TSPAN9: variants seen among roughly 807,000 people sequenced by gnomAD.
TSPAN9 encodes the protein tetraspanin 9.
TSPAN9 carries 16 observed loss-of-function variants against 31.0 expected under a neutral mutation model. The observed-to-expected ratio is 0.52, with a 90% CI of 0.35 to 0.78. The LOEUF is 0.78. Among genes scored for constraint, TSPAN9 ranks in the 30% least tolerant of loss-of-function variants. TSPAN9 has a pLI of 0.01. For synonymous variants in TSPAN9, 145 were observed against 121.6 expected (o/e 1.19, Z -1.27); for missense variants, 272 against 312.5 (o/e 0.87, Z 0.98).
intron 2 of TSPAN9, among the ~76,000 whole-genome samples, chr12:3,136,530 G>A (rs2098332220): frequency 6.6e-6 from 1 of 152,194 alleles, no homozygotes; most frequent in African/African-American, 2.4e-5. Flanking sequence ...GCAAAGACAG[G>A]ACACCAAACC....
chr12:3,238,175 G>C (rs78175639), intron 3 of TSPAN9, among the ~76,000 whole-genome samples: 11,547 of 152,232 alleles, frequency 0.076, 514 homozygotes, highest in Middle Eastern at 0.14. Context: ...ACAGGTAACA[G>C]TACCGAGGGT....
At chr12:3,165,053 A>G (rs748665044) in intron 2 of TSPAN9, among the ~76,000 whole-genome samples, 1 of 152,066 alleles carries the variant, frequency 6.6e-6, no homozygotes, top group Non-Finnish European at 1.5e-5. Context: ...GAGGGGTAGG[A>G]TTAACCTCTG....
intron 2 of TSPAN9, among the ~76,000 whole-genome samples, chr12:3,121,031 T>A (rs2098324821): frequency 6.7e-6 from 1 of 148,574 alleles, no homozygotes; most frequent in Non-Finnish European, 1.5e-5. Flanking sequence ...TGTGGCTCAG[T>A]CACAGGACCT....
At chr12:3,227,654 C>T (rs1175680090) in intron 3 of TSPAN9, among the ~76,000 whole-genome samples, 8 of 152,150 alleles carry the variant, frequency 5.3e-5, no homozygotes, top group Admixed American at 5.2e-4. Flanking sequence ...CCCAGCCTCC[C>T]CTTCTCACAC....
At chr12:3,281,059 G>T in intron 6 of TSPAN9, 139 bp from the exon 7 acceptor site, 1 of 1,385,182 alleles carries the variant, frequency 7.2e-7, no homozygotes. Context: ...GGGACAAGAA[G>T]CAAGCCCTTT....
intron 2 of TSPAN9, among the ~76,000 whole-genome samples, chr12:3,175,986 C>A (rs2098355329): frequency 6.6e-6 from 1 of 152,194 alleles, no homozygotes; most frequent in African/African-American, 2.4e-5. Flanking sequence ...CTTCCCAGTA[C>A]AAGCCCTGCC....
rs552320574 is a variant in TSPAN9 at position 3,174,730 on chromosome 12, C to G, written c.-17-26447C>G. ...CCCGAGTAGCTGGGACTACAGGCGC[C>G]CACCACCGCGCCCGGCTAATTTTTT... is the stretch of plus-strand genomic sequence containing the variant. On this transcript the variant is annotated intron_variant, in intron 2 of 8. Coordinates refer to ENST00000011898, the MANE Select transcript of TSPAN9 (RefSeq NM_006675.5). Among the ~76,000 whole-genome samples the G allele has an allele frequency of 9.2e-4, 135 of 146,276 alleles. 3 individuals are homozygous for G. The highest frequency in any genetic ancestry group is 6.7e-3 in the South Asian group (28 of 4,188).
Position 3,286,325 on chromosome 12 carries a change from G to A in TSPAN9, c.*3209G>A, listed in dbSNP as rs893322255. On this transcript the variant is annotated 3_prime_UTR_variant, in exon 9 of 9. Transcript: ENST00000011898. This position sits in a 1 kb window ranked among gnomAD's most constrained non-coding sequence, Gnocchi z 4.1. ...GTCCAGGGTGGGGCCTGGCCTCCCT[G>A]CCCTGATTGGGGACTCAGGAGGTGA... 2 of 152,606 alleles carry A rather than the reference G, an allele frequency of 1.3e-5. No homozygotes were observed. The highest frequency in any genetic ancestry group is 2.9e-5 in the Non-Finnish European group (2 of 68,066). The allele number at this position is 152,606 out of a possible 1,614,324, so 9.5% of individuals were successfully genotyped here.
intron 2 of TSPAN9, among the ~76,000 whole-genome samples, chr12:3,105,758 G>A (rs555678937): frequency 7.4e-5 from 7 of 94,484 alleles, no homozygotes; most frequent in African/African-American, 1.7e-4. Context: ...TCACACACAC[G>A]CACACACGCG....
At chr12:3,215,810 C>T (rs961585882) in intron 3 of TSPAN9, among the ~76,000 whole-genome samples, 4 of 152,180 alleles carry the variant, frequency 2.6e-5, no homozygotes, top group South Asian at 2.1e-4. Flanking sequence ...GAGTGGAGAA[C>T]GTAGGTTGGT....
intron 2 of TSPAN9, among the ~76,000 whole-genome samples, chr12:3,177,077 C>T (rs2098356105): frequency 6.6e-6 from 1 of 152,034 alleles, no homozygotes; most frequent in Non-Finnish European, 1.5e-5. Flanking sequence ...ACACTCTTGC[C>T]AGCATTGAGT....
At chr12:3,258,894 T>G (rs969080389) in intron 3 of TSPAN9, among the ~76,000 whole-genome samples, 2 of 152,142 alleles carry the variant, frequency 1.3e-5, no homozygotes, top group Non-Finnish European at 1.5e-5. Flanking sequence ...CCCCACTGTC[T>G]CTTGTCCTTA....
intron 2 of TSPAN9, among the ~76,000 whole-genome samples, chr12:3,140,068 A>G (rs1231887894): frequency 6.6e-6 from 1 of 152,184 alleles, no homozygotes; most frequent in Non-Finnish European, 1.5e-5. Context: ...GCTTAGGCCT[A>G]GGAAGGGTAT....
At chr12:3,116,230 T>C (rs75313042) in intron 2 of TSPAN9, among the ~76,000 whole-genome samples, 2,887 of 152,332 alleles carry the variant, frequency 0.019, 90 homozygotes, top group African/African-American at 0.065. Context: ...ATAAGCTGCA[T>C]AGCAGATCAG....
chr12:3,161,451 C>T (rs936441438), intron 2 of TSPAN9, among the ~76,000 whole-genome samples: 32 of 152,136 alleles, frequency 2.1e-4, no homozygotes, highest in African/African-American at 7.5e-4. Context: ...CTACATTTTT[C>T]TCCTGTGGGT....
chr12:3,159,343 A>G (rs985416445), intron 2 of TSPAN9, among the ~76,000 whole-genome samples: 7 of 151,892 alleles, frequency 4.6e-5, no homozygotes, highest in Non-Finnish European at 1.0e-4. Flanking sequence ...TGGGCTGGCT[A>G]ATTTCTAGGA....
chr12:3,265,141 C>T (rs995362466), intron 3 of TSPAN9, among the ~76,000 whole-genome samples: 3 of 152,238 alleles, frequency 2.0e-5, no homozygotes, highest in Non-Finnish European at 2.9e-5. Context: ...TGCTGAGTAA[C>T]TAACTGGCTG....
chr12:3,246,980 G>A (rs1862146863), intron 3 of TSPAN9, among the ~76,000 whole-genome samples: 2 of 152,186 alleles, frequency 1.3e-5, no homozygotes, highest in Admixed American at 1.3e-4. Flanking sequence ...TTTGGCCGCT[G>A]GGAGGATGGG....
rs573293146 is a variant in TSPAN9 at position 3,141,930 on chromosome 12, A to T, written c.-18+58211A>T. ...AAGGACCCCATCCCAAGTTGTCCCTATAAGTTTCTCCTGTGCCCGGAAGCC... is the reference window on the plus strand; with the variant it reads ...AAGGACCCCATCCCAAGTTGTCCCTTTAAGTTTCTCCTGTGCCCGGAAGCC... On this transcript the variant is annotated intron_variant, in intron 2 of 8. Coordinates refer to ENST00000011898, the MANE Select transcript of TSPAN9 (RefSeq NM_006675.5). Among the ~76,000 whole-genome samples, 4 of 152,212 alleles carry T rather than the reference A, an allele frequency of 2.6e-5. No individual in the cohort carries two copies. In the East Asian group the frequency reaches 7.8e-4, roughly 30 times the overall value.
Sources: gnomAD v4.1 joint callset for allele counts (sites outside exome capture counted in the v4.1 genomes callset) on GRCh38, gnomAD v4.1.1 for gene constraint, Gnocchi (gnomAD v3.1) non-coding constraint, MANE v1.5 for transcripts, NCBI Gene and HGNC (gene_info 2026-07-23, HGNC 2026-07-21) for gene names.